The following MGMT variants were observed in gnomAD, a reference collection of about 807,000 sequenced individuals.
The protein encoded by MGMT is O-6-methylguanine-DNA methyltransferase.
In MGMT, 14 loss-of-function variants were observed where a neutral mutation model predicts 15.9. The ratio of observed to expected loss-of-function variants is 0.88; its 90% confidence interval spans 0.58 to 1.37. The LOEUF is 1.37. Among genes scored for constraint, MGMT ranks in the 40% most tolerant of loss-of-function variants. MGMT has a pLI of 0.00. For missense variants in MGMT, 282 were observed against 268.1 expected (o/e 1.05, Z -0.36); for synonymous variants, 130 against 118.2 (o/e 1.10, Z -0.65).
Position 129,498,064 on chromosome 10 carries a change from G to A in MGMT, c.-13+30768G>A, listed in dbSNP as rs186308305. ...GTTTTTTGTGACCCTGGACCCTTTC[G>A]AAGAATACTGGTCAGGTATTTTGTA... On this transcript the variant is annotated intron_variant, in intron 1 of 4. Transcript: ENST00000651593. Among the ~76,000 whole-genome samples the A allele has an allele frequency of 7.0e-4, 107 of 152,286 alleles. No individual in the cohort carries two copies. The Middle Eastern group carries it at 0.02, about 29-fold the overall frequency.
At chr10:129,469,440 T>C (rs1193100285) in intron 1 of MGMT, among the ~76,000 whole-genome samples, 1 of 152,176 alleles carries the variant, frequency 6.6e-6, no homozygotes, top group Admixed American at 6.5e-5. Context: ...TCTTTTCCTT[T>C]AGCATTATTC....
At chr10:129,619,932 T>G (rs1847072316) in intron 2 of MGMT, among the ~76,000 whole-genome samples, 1 of 152,166 alleles carries the variant, frequency 6.6e-6, no homozygotes, top group Non-Finnish European at 1.5e-5. Flanking sequence ...TTTTTGTTAT[T>G]TTGTGTATTT....
In MGMT at chr10:129,555,712, C is replaced by A. The variant is rs1366189392; in HGVS notation, c.125+19335C>A. Among the ~76,000 whole-genome samples, 3 of 148,640 alleles carry A rather than the reference C, an allele frequency of 2.0e-5. No homozygotes were observed. The East Asian group carries it at 5.9e-4, about 29-fold the overall frequency. ...CCTGGGCAACAGAGTGAGACCCTGTCTCTAAAAAAAAAATAAAATAAAAAA... is the reference window on the plus strand; with the variant it reads ...CCTGGGCAACAGAGTGAGACCCTGTATCTAAAAAAAAAATAAAATAAAAAA... On this transcript the variant is annotated intron_variant, in intron 2 of 4. Coordinates refer to ENST00000651593, the MANE Select transcript of MGMT (RefSeq NM_002412.5).
chr10:129,540,455 G>T (rs1195620575), intron 2 of MGMT, among the ~76,000 whole-genome samples: 1 of 152,160 alleles, frequency 6.6e-6, no homozygotes, highest in Non-Finnish European at 1.5e-5. Flanking sequence ...CCTGGTTTGG[G>T]GGAGCTTGCA....
rs780045108 is a variant in MGMT at position 129,766,772 on chromosome 10, C to T, written c.415-16C>T. On this transcript the variant is annotated splice_polypyrimidine_tract_variant and intron_variant, in intron 4 of 4. Transcript: ENST00000651593. ...CCAGATCCCTGACTGACAGTGGCTG[C>T]CCCCCTGTCTTCCAGGTCCCCATCC... 4.4e-6 allele frequency: 7 copies of T among 1,601,986 alleles called. No homozygotes were observed. In the East Asian group the frequency reaches 6.7e-5, roughly 15 times the overall value.
intron 2 of MGMT, among the ~76,000 whole-genome samples, chr10:129,596,145 T>A (rs1252838177): frequency 6.7e-6 from 1 of 150,000 alleles, no homozygotes; most frequent in Non-Finnish European, 1.5e-5. Flanking sequence ...CCTAATTAAA[T>A]TTTGACATTA....
chr10:129,762,733 C>G (rs549268848), intron 4 of MGMT, among the ~76,000 whole-genome samples: 1 of 152,164 alleles, frequency 6.6e-6, no homozygotes, highest in Non-Finnish European at 1.5e-5. Flanking sequence ...AGTTTATTCA[C>G]GGATTGCCAT....
chr10:129,704,798 G>A (rs771383895), intron 2 of MGMT, among the ~76,000 whole-genome samples: 9 of 151,746 alleles, frequency 5.9e-5, no homozygotes, highest in Non-Finnish European at 1.2e-4. Flanking sequence ...AGAAAGACCC[G>A]AGGATCTCGG....
chr10:129,742,881 TCTTCAGGGCCGGGG>T (rs1324324485), intron 3 of MGMT, among the ~76,000 whole-genome samples: 1 of 151,206 alleles, frequency 6.6e-6, no homozygotes, highest in Non-Finnish European at 1.5e-5. Context: ...CAGAGCCAGG[TCTTCAGGGCCGGGG>T]CATTCAGCAC....
intron 3 of MGMT, among the ~76,000 whole-genome samples, chr10:129,710,614 G>A (rs769656980): frequency 1.3e-5 from 2 of 152,184 alleles, no homozygotes; most frequent in African/African-American, 4.8e-5. Context: ...TTGCTAACAG[G>A]GAGTTAATTG....
At chr10:129,512,575 A>G (rs1845695874) in intron 1 of MGMT, among the ~76,000 whole-genome samples, 1 of 152,148 alleles carries the variant, frequency 6.6e-6, no homozygotes, top group Admixed American at 6.5e-5. Flanking sequence ...TGTAAGGATT[A>G]GAGAAGAGGA....
rs1264428389 is a variant in MGMT, at chr10:129,702,063, T to TA, written c.126-5832_126-5831insA. 6.6e-5 allele frequency: 10 copies of TA among 152,308 alleles called. No individual in the cohort carries two copies. The East Asian group carries it at 1.9e-3, about 29-fold the overall frequency. 9.4% of individuals were successfully genotyped at this position (152,308 alleles called of 1,614,324 possible). ...GCAAGGCAGTTCATCACTGGGACAT[T>TA]GTTTTTCCAAGCCGGGGAAGGCGAA... On this transcript the variant is annotated intron_variant, in intron 2 of 4. Coordinates refer to ENST00000651593, the MANE Select transcript of MGMT (RefSeq NM_002412.5).
At chr10:129,486,969 G>A (rs1158408660) in intron 1 of MGMT, among the ~76,000 whole-genome samples, 1 of 152,210 alleles carries the variant, frequency 6.6e-6, no homozygotes, top group Non-Finnish European at 1.5e-5. Flanking sequence ...TTAAAGCCTT[G>A]TATGGCAGTC....
In MGMT at chr10:129,769,254, C is replaced by T. The variant is rs1848974141; in HGVS notation, c.*2257C>T. ...ACAGCCGCAGCAGCAGGGCTCAAAC[C>T]GGCGGGGCCGTGTACCGCTCCAAGG... On this transcript the variant is annotated 3_prime_UTR_variant, in exon 5 of 5. Transcript: ENST00000651593. 1 of 152,348 alleles carries T rather than the reference C, an allele frequency of 6.6e-6. No individual in the cohort carries two copies. The highest frequency in any genetic ancestry group is 3.4e-3 in the Middle Eastern group (1 of 296). 9.4% of individuals were successfully genotyped at this position (152,348 alleles called of 1,614,324 possible).
At chr10:129,742,874 A>G (rs972861956) in intron 3 of MGMT, among the ~76,000 whole-genome samples, 5 of 151,464 alleles carry the variant, frequency 3.3e-5, no homozygotes, top group Admixed American at 3.3e-4. Context: ...CCATGCTCAG[A>G]GCCAGGTCTT....
chr10:129,546,642 G>A (rs1347650493), intron 2 of MGMT, among the ~76,000 whole-genome samples: 1 of 152,214 alleles, frequency 6.6e-6, no homozygotes, highest in Non-Finnish European at 1.5e-5. Context: ...ATGGAGCCAG[G>A]AGGCTGGAAG....
chr10:129,662,840 CT>C (rs1467777202), intron 2 of MGMT, among the ~76,000 whole-genome samples: 1 of 152,072 alleles, frequency 6.6e-6, no homozygotes, highest in African/African-American at 2.4e-5. Flanking sequence ...ATGAGAACAC[CT>C]TAAAATGCTA....
At chr10:129,570,694 G>A (rs1846407726) in intron 2 of MGMT, among the ~76,000 whole-genome samples, 1 of 152,038 alleles carries the variant, frequency 6.6e-6, no homozygotes, top group Non-Finnish European at 1.5e-5. Context: ...GTTTAATTTT[G>A]ACTGAAAAAA....
intron 2 of MGMT, among the ~76,000 whole-genome samples, chr10:129,665,268 C>T (rs1350501766): frequency 7.0e-6 from 1 of 143,244 alleles, no homozygotes; most frequent in African/African-American, 2.6e-5. Flanking sequence ...GCTCACCCAC[C>T]CATCCTCTCC....
Sources: allele counts gnomAD v4.1 joint callset (sites outside exome capture counted in the v4.1 genomes callset), GRCh38; gene constraint gnomAD v4.1.1; transcripts MANE v1.5; gene names NCBI Gene and HGNC (gene_info 2026-07-23, HGNC 2026-07-21).